Variants in DST observed in about 807,000 individuals in gnomAD.
The protein encoded by DST is bullous pemphigoid antigen.
Under a neutral mutation model 875.2 loss-of-function variants are expected in DST, and 253 were observed. The ratio of observed to expected loss-of-function variants is 0.29; its 90% CI spans 0.26 to 0.32. The LOEUF is 0.32. Among genes scored for constraint, DST ranks in the 10% least tolerant of loss-of-function variants. DST has a pLI of 1.00. For synonymous variants in DST, 3,124 were observed against 3,197.1 expected (o/e 0.98, Z 0.77); for missense variants, 8,287 against 9,111.6 (o/e 0.91, Z 3.68).
intron 9 of DST, among the ~76,000 whole-genome samples, chr6:56,671,656 G>T (rs1291391306): frequency 6.6e-6 from 1 of 152,174 alleles, no homozygotes; most frequent in Admixed American, 6.5e-5. Flanking sequence ...GGCACAAAGT[G>T]ACTTTACCAG....
At chr6:56,652,609 T>C (rs1448597069) in intron 10 of DST, among the ~76,000 whole-genome samples, 4 of 152,236 alleles carry the variant, frequency 2.6e-5, no homozygotes, top group Non-Finnish European at 5.9e-5. Context: ...ATATCATTAA[T>C]ATTAGAAAGC....
chr6:56,859,081 C>A (rs137954526), intron 3 of DST, among the ~76,000 whole-genome samples: 91 of 152,286 alleles, frequency 6.0e-4, no homozygotes, highest in African/African-American at 1.9e-3. Flanking sequence ...AAAGACTAGA[C>A]TTGTACTGGG....
At chr6:56,834,742 C>G (rs969102600) in intron 4 of DST, among the ~76,000 whole-genome samples, 2 of 152,204 alleles carry the variant, frequency 1.3e-5, no homozygotes, top group African/African-American at 4.8e-5. Context: ...AACAGGAACT[C>G]TCATTCATTG....
chr6:56,496,349 G>A lies in DST; in HGVS notation c.20223+1030C>T, dbSNP rs186137279. 5.0e-3 allele frequency among the ~76,000 whole-genome samples: 760 copies of A among 152,218 alleles called. 8 individuals carry two copies. The highest frequency in any genetic ancestry group is 0.018 in the African/African-American group (734 of 41,534). On this transcript the variant is annotated intron_variant, in intron 82 of 103. Coordinates refer to ENST00000680361, the MANE Select transcript of DST (RefSeq NM_001374736.1). ...CCAACTGTGTCACATGATCTAGGTAGGAACAGCGCACAGGTACAACACTCC... is the reference window on the plus strand; with the variant it reads ...CCAACTGTGTCACATGATCTAGGTAAGAACAGCGCACAGGTACAACACTCC...
chr6:56,594,385 G>A (rs367910920), intron 47 of DST, among the ~76,000 whole-genome samples, 192 bp from the exon 48 acceptor site: 1 of 152,222 alleles, frequency 6.6e-6, no homozygotes, highest in African/African-American at 2.4e-5. Flanking sequence ...TTTTGAGCAT[G>A]CTAATCTTAT....
intron 87 of DST, among the ~76,000 whole-genome samples, chr6:56,486,693 CTG>C (rs1270938774): frequency 6.6e-6 from 1 of 152,056 alleles, no homozygotes; most frequent in African/African-American, 2.4e-5. Flanking sequence ...ATTAAGAAGC[CTG>C]TGTTTCAATG....
At chr6:56,506,217 T>C (rs2096307147) in intron 77 of DST, among the ~76,000 whole-genome samples, 1 of 152,220 alleles carries the variant, frequency 6.6e-6, no homozygotes, top group Non-Finnish European at 1.5e-5. Flanking sequence ...TGAATGTGTA[T>C]ACAGAAATGT....
intron 2 of DST, among the ~76,000 whole-genome samples, chr6:56,914,066 T>A (rs1024527860): frequency 6.6e-6 from 1 of 152,116 alleles, no homozygotes; most frequent in African/African-American, 2.4e-5. Flanking sequence ...GGGTTTATTC[T>A]GTTGAAATTG....
intron 10 of DST, among the ~76,000 whole-genome samples, chr6:56,669,151 T>C (rs904614559): frequency 3.3e-5 from 5 of 152,100 alleles, no homozygotes; most frequent in South Asian, 2.1e-4. Flanking sequence ...CTATCCTATA[T>C]AATTATTTTT....
chr6:56,858,934 A>AT (rs1769465913), intron 3 of DST, among the ~76,000 whole-genome samples: 1 of 152,218 alleles, frequency 6.6e-6, no homozygotes, highest in Non-Finnish European at 1.5e-5. Flanking sequence ...TGCAGCCAGG[A>AT]TTTCCATATA....
intron 4 of DST, among the ~76,000 whole-genome samples, chr6:56,774,638 C>A (rs2099674305): frequency 6.6e-6 from 1 of 152,104 alleles, no homozygotes; most frequent in African/African-American, 2.4e-5. Context: ...CACTTCAAAC[C>A]ATAATTACAG....
chr6:56,761,632 G>A (rs749134059), intron 4 of DST, among the ~76,000 whole-genome samples: 8 of 151,786 alleles, frequency 5.3e-5, no homozygotes, highest in African/African-American at 1.9e-4. Context: ...ACAGATGCCC[G>A]GGTTTCATCC....
chr6:56,493,137 TTTTG>T (rs1238696722), intron 83 of DST, 48 bp from the exon 84 acceptor site: 1 of 1,541,996 alleles, frequency 6.5e-7, no homozygotes, highest in Non-Finnish European at 8.8e-7. Context: ...GCCTTGGTTA[TTTTG>T]TTTGTTTCAG....
chr6:56,764,275 C>A (rs2152968071), intron 4 of DST, among the ~76,000 whole-genome samples: 1 of 152,334 alleles, frequency 6.6e-6, no homozygotes, highest in South Asian at 2.1e-4. Flanking sequence ...AGCAAAGCAA[C>A]AAGCACAATC....
intron 90 of DST, among the ~76,000 whole-genome samples, chr6:56,480,220 A>G (rs1192672506): frequency 6.6e-6 from 1 of 152,240 alleles, no homozygotes; most frequent in Non-Finnish European, 1.5e-5. Flanking sequence ...TTTAAATATC[A>G]TAACTTAAAT....
chr6:56,482,786 G>T lies in DST; in HGVS notation c.21299C>A (p.Ser7100Tyr). Residue 7100 changes from serine (S) to tyrosine (Y), a missense_variant, in exon 89 of 104, where the codon TCC (serine) becomes TAC (tyrosine). Transcript: ENST00000680361. ...RELIEGSRDD[S>Y]SWVKVQMQEL... ...CTGCATCTGGACCTTGACCCAGGAG[G>T]AGTCATCCCGACTGCCTTCTATGAG... is the stretch of plus-strand genomic sequence containing the variant. The T allele has an allele frequency of 6.2e-7, 1 of 1,613,776 alleles. No individual in the cohort carries two copies. The highest frequency in any genetic ancestry group is 8.5e-7 in the Non-Finnish European group (1 of 1,179,784).
chr6:56,647,271 G>A (rs758017008), intron 13 of DST, among the ~76,000 whole-genome samples: 5 of 152,230 alleles, frequency 3.3e-5, no homozygotes, highest in East Asian at 1.9e-4. Context: ...CCACATGGTC[G>A]TTGTAGGGAA....
chr6:56,920,727 CTTTT>C (rs1201574608), intron 2 of DST, among the ~76,000 whole-genome samples: 4 of 124,180 alleles, frequency 3.2e-5, no homozygotes, highest in Non-Finnish European at 5.0e-5. Context: ...TTCTTTCTTC[CTTTT>C]TTTTTTTTTT....
intron 4 of DST, among the ~76,000 whole-genome samples, chr6:56,774,201 TCTAA>T (rs2099673328): frequency 6.6e-6 from 1 of 151,964 alleles, no homozygotes; most frequent in Non-Finnish European, 1.5e-5. Flanking sequence ...TCCATGGTTC[TCTAA>T]CTGAGAAAGC....
Sources: allele counts gnomAD v4.1 joint callset (sites outside exome capture counted in the v4.1 genomes callset), GRCh38; gene constraint gnomAD v4.1.1; transcripts MANE v1.5; gene names NCBI Gene and HGNC (gene_info 2026-07-23, HGNC 2026-07-21).